Variants in TRHDE observed in about 807,000 individuals in gnomAD.
TRHDE encodes the protein thyrotropin releasing hormone degrading enzyme.
TRHDE carries 72 observed loss-of-function variants against 125.7 expected under a neutral mutation model. That is an observed-to-expected ratio of 0.57 (90% confidence interval 0.47 to 0.70). The LOEUF (loss-of-function observed/expected upper bound fraction) is 0.70. Ranked by LOEUF, TRHDE falls within the 30% of genes least tolerant of loss-of-function variation. The pLI, the probability that TRHDE is intolerant of heterozygous loss-of-function variation, is 0.00. For missense variants in TRHDE, 1,110 were observed against 1,327.1 expected, an observed-to-expected ratio of 0.84 and a Z score of 2.54; for synonymous variants, 509 against 509.1, an observed-to-expected ratio of 1.00 and a Z score of 0.00.
At chr12:72,534,967 TG>T (rs1868778045) in intron 6 of TRHDE, among the ~76,000 whole-genome samples, 1 of 152,014 alleles carries the variant, frequency 6.6e-6, no homozygotes, top group Admixed American at 6.6e-5. Context: ...TGGTAAGTAG[TG>T]GTGAATCTCA....
intron 2 of TRHDE, among the ~76,000 whole-genome samples, chr12:72,336,180 A>AT (rs1452346069): frequency 3.3e-5 from 5 of 152,160 alleles, no homozygotes; most frequent in African/African-American, 4.8e-5. Flanking sequence ...AGGTTTTATT[A>AT]TACCTGTTTT....
chr12:72,621,249 T>TATA, intron 14 of TRHDE, 44 bp downstream of exon 14: 1 of 1,245,192 alleles, frequency 8.0e-7, no homozygotes, highest in Middle Eastern at 1.9e-4. Context: ...CCTAGAGCTG[T>TATA]ATAATAATGT....
intron 3 of TRHDE, among the ~76,000 whole-genome samples, chr12:72,421,585 G>A (rs930777550): frequency 1.3e-5 from 2 of 152,136 alleles, no homozygotes; most frequent in Admixed American, 6.6e-5. Context: ...TGGTTACAAC[G>A]GAGTCTGTAA....
At chr12:72,090,723 T>C (rs1190408978) in intron 1 of TRHDE, among the ~76,000 whole-genome samples, 1 of 152,206 alleles carries the variant, frequency 6.6e-6, no homozygotes, top group Non-Finnish European at 1.5e-5. Flanking sequence ...TTCATACTTA[T>C]TATAGACAAT....
At chr12:72,649,994 A>G (rs1351103810) in intron 15 of TRHDE, among the ~76,000 whole-genome samples, 2 of 152,172 alleles carry the variant, frequency 1.3e-5, no homozygotes, top group Non-Finnish European at 2.9e-5. Flanking sequence ...AACTAAAAAT[A>G]GAACTACAAT....
chr12:72,296,487 C>T (rs1171443011), intron 2 of TRHDE, among the ~76,000 whole-genome samples: 1 of 151,920 alleles, frequency 6.6e-6, no homozygotes, highest in Non-Finnish European at 1.5e-5. Flanking sequence ...TCTCTGTTCT[C>T]CATTAGGAAA....
chr12:72,213,321 A>G (rs550381107), intron 2 of TRHDE, among the ~76,000 whole-genome samples: 1 of 152,082 alleles, frequency 6.6e-6, no homozygotes, highest in South Asian at 2.1e-4. Context: ...AAGTGTACAC[A>G]TTAAATGGGT....
At chr12:72,107,816 C>G (rs1038394654) in intron 2 of TRHDE, among the ~76,000 whole-genome samples, 5 of 143,554 alleles carry the variant, frequency 3.5e-5, no homozygotes, top group Admixed American at 2.0e-4. Context: ...CCTGTTTAGA[C>G]ATTTTTTGAA....
chr12:72,614,331 T>TATATATATATGTATATATATATGTATATA (rs1448155527), intron 12 of TRHDE, among the ~76,000 whole-genome samples: 1 of 48,566 alleles, frequency 2.1e-5, no homozygotes, highest in Admixed American at 1.9e-4. Context: ...TATATATATA[T>TATATATATATGTATATATATATGTATATA]TTTTTTTTTC....
chr12:72,469,523 C>A (rs982536561), intron 3 of TRHDE, among the ~76,000 whole-genome samples: 63 of 152,242 alleles, frequency 4.1e-4, no homozygotes, highest in African/African-American at 1.5e-3. Flanking sequence ...CTTCCAGCTA[C>A]CTATAGCACT....
intron 15 of TRHDE, among the ~76,000 whole-genome samples, chr12:72,640,787 G>A (rs2136099498): frequency 1.3e-5 from 2 of 152,216 alleles, no homozygotes; most frequent in South Asian, 4.1e-4. Flanking sequence ...CTCCACCAGA[G>A]GTTTTAATTT....
chr12:72,356,059 A>C (rs994188773), intron 2 of TRHDE, among the ~76,000 whole-genome samples: 9 of 151,862 alleles, frequency 5.9e-5, no homozygotes, highest in African/African-American at 2.2e-4. Context: ...AAGTAATGTA[A>C]ATTGTTCTAC....
At chr12:72,303,170 C>T (rs944545679) in intron 2 of TRHDE, 55 of 152,180 alleles carry the variant, frequency 3.6e-4, no homozygotes, top group African/African-American at 9.2e-4. Context: ...TCCAGATAAA[C>T]GTGGACCCAA....
At chr12:72,296,158 A>G (rs1027184625) in intron 2 of TRHDE, among the ~76,000 whole-genome samples, 2 of 152,236 alleles carry the variant, frequency 1.3e-5, no homozygotes, top group African/African-American at 4.8e-5. Context: ...GTGAAATTCC[A>G]CTGGTTGTCT....
chr12:72,099,759 TTAAGA>T (rs1875024519), intron 1 of TRHDE, among the ~76,000 whole-genome samples: 1 of 152,182 alleles, frequency 6.6e-6, no homozygotes, highest in African/African-American at 2.4e-5. Context: ...TTATCATATT[TTAAGA>T]TAAGAATGGA....
intron 12 of TRHDE, among the ~76,000 whole-genome samples, chr12:72,576,655 C>G (rs1871008946): frequency 6.6e-6 from 1 of 151,916 alleles, no homozygotes; most frequent in African/African-American, 2.4e-5. Flanking sequence ...AGGTGCTTTT[C>G]TATTTAAAAA....
At chr12:72,209,118 G>A (rs971822991) in intron 2 of TRHDE, among the ~76,000 whole-genome samples, 1 of 152,168 alleles carries the variant, frequency 6.6e-6, no homozygotes, top group African/African-American at 2.4e-5. Context: ...TGGTCTCTCT[G>A]AGTCAGTCCT....
chr12:72,470,989 G>C (rs1019785951), intron 4 of TRHDE, among the ~76,000 whole-genome samples: 10 of 140,836 alleles, frequency 7.1e-5, no homozygotes, highest in Non-Finnish European at 1.3e-4. Context: ...TGATTCTCCT[G>C]CCTCAGCTTC....
intron 2 of TRHDE, among the ~76,000 whole-genome samples, chr12:72,349,019 G>A (rs1203789234): frequency 1.3e-5 from 2 of 151,894 alleles, no homozygotes; most frequent in Non-Finnish European, 2.9e-5. Flanking sequence ...TTTCCCCTCT[G>A]ACATGTTTCT....
Sources: gnomAD v4.1 joint callset for allele counts (sites outside exome capture counted in the v4.1 genomes callset) on GRCh38, gnomAD v4.1.1 for gene constraint, MANE v1.5 for transcripts, NCBI Gene and HGNC (gene_info 2026-07-23, HGNC 2026-07-21) for gene names.